The following TAFA5 variants were observed in gnomAD, a reference collection of about 807,000 sequenced individuals.
TAFA5 encodes the protein TAFA chemokine like family member 5.
In TAFA5, 6 loss-of-function variants were observed where a neutral mutation model predicts 15.3. That is an observed-to-expected ratio of 0.39 (90% confidence interval 0.21 to 0.77). The LOEUF (loss-of-function observed/expected upper bound fraction) is 0.77, where lower values mean the gene tolerates loss of function less well. Ranked by LOEUF, TAFA5 falls within the 30% of genes least tolerant of loss-of-function variation. The probability of loss-of-function intolerance (pLI) is 0.41; values close to 1 mark genes in which losing one functional copy is unlikely to be tolerated. For missense variants in TAFA5, 161 were observed against 193.1 expected (o/e 0.83, Z 0.98); for synonymous variants, 103 against 80.7 (o/e 1.28, Z -1.48).
At position 48,707,586 on chromosome 22, in the gene TAFA5, T is replaced by C. The variant is rs1467028035; in HGVS notation, c.263-131T>C. 9.2e-6 allele frequency: 10 copies of C among 1,081,128 alleles called. No individual in the cohort carries two copies. In the Admixed American group the frequency reaches 1.4e-4, roughly 15 times the overall value. The allele number at this position is 1,081,128 out of a possible 1,614,324, so 67.0% of individuals were successfully genotyped here. A position where few individuals can be genotyped will look rare whatever the true frequency, so the allele number is the denominator to read the frequency against. Reference sequence around the variant, plus strand: ...TGGGCCCAGTGTCCCTGTGTGAGGGTCCCTGGGTGGAGCCACGCCGGGCAT... The same window carrying C: ...TGGGCCCAGTGTCCCTGTGTGAGGGCCCCTGGGTGGAGCCACGCCGGGCAT... On this transcript the variant is annotated intron_variant, in intron 2 of 3. Transcript: ENST00000402357.
At chr22:48,548,848 C>A (rs1286342485) in intron 1 of TAFA5, among the ~76,000 whole-genome samples, 2 of 152,270 alleles carry the variant, frequency 1.3e-5, no homozygotes, top group Non-Finnish European at 2.9e-5. Context: ...TACTACCTGG[C>A]ATACAGCAGG....
At chr22:48,582,800 ACACATGAAATACAC>A in intron 1 of TAFA5, among the ~76,000 whole-genome samples, 1 of 140,616 alleles carries the variant, frequency 7.1e-6, no homozygotes, top group Middle Eastern at 3.6e-3. Flanking sequence ...AAAATACACC[ACACATGAAATACAC>A]CACACACCAC....
At chr22:48,726,607 G>A (rs977365751) in intron 3 of TAFA5, among the ~76,000 whole-genome samples, 22 of 135,986 alleles carry the variant, frequency 1.6e-4, no homozygotes, top group Non-Finnish European at 2.1e-4. Flanking sequence ...TAATCCAGTC[G>A]TGGTAGTCTG....
intron 1 of TAFA5, among the ~76,000 whole-genome samples, chr22:48,610,868 G>A (rs1020685923): frequency 6.6e-6 from 1 of 152,046 alleles, no homozygotes; most frequent in African/African-American, 2.4e-5. Flanking sequence ...GACACGAGAG[G>A]CATCGGGGAT....
intron 2 of TAFA5, among the ~76,000 whole-genome samples, chr22:48,700,002 T>C (rs1928853533): frequency 6.6e-6 from 1 of 152,078 alleles, no homozygotes; most frequent in Non-Finnish European, 1.5e-5. Flanking sequence ...CTTTGCTGGA[T>C]GTGATGTCTG....
intron 1 of TAFA5, among the ~76,000 whole-genome samples, chr22:48,546,358 C>T (rs899071587): frequency 2.0e-5 from 3 of 152,202 alleles, no homozygotes; most frequent in African/African-American, 7.2e-5. Context: ...CTGCAAAGTC[C>T]TTGATTAATT....
At chr22:48,614,315 G>A (rs1368339875) in intron 1 of TAFA5, among the ~76,000 whole-genome samples, 1 of 152,222 alleles carries the variant, frequency 6.6e-6, no homozygotes, top group Non-Finnish European at 1.5e-5. Flanking sequence ...TGCCGTGTGT[G>A]GGTTCCACAG....
At chr22:48,586,764 A>G (rs908378334) in intron 1 of TAFA5, among the ~76,000 whole-genome samples, 1 of 152,214 alleles carries the variant, frequency 6.6e-6, no homozygotes, top group African/African-American at 2.4e-5. Context: ...TTCCATGCAC[A>G]GTTGGGCGAC....
intron 1 of TAFA5, among the ~76,000 whole-genome samples, chr22:48,532,110 C>T (rs1427410985): frequency 6.6e-6 from 1 of 152,236 alleles, no homozygotes; most frequent in East Asian, 1.9e-4. Flanking sequence ...CGAGGAACCC[C>T]TTGGTGCTTT....
chr22:48,700,953 C>T (rs541920051), intron 2 of TAFA5, among the ~76,000 whole-genome samples: 47 of 152,314 alleles, frequency 3.1e-4, no homozygotes, highest in African/African-American at 1.1e-3. Flanking sequence ...GGCTGAGAAC[C>T]CCACTCAGCT....
intron 2 of TAFA5, among the ~76,000 whole-genome samples, chr22:48,704,926 C>T (rs1201481091): frequency 6.6e-6 from 1 of 152,044 alleles, no homozygotes; most frequent in African/African-American, 2.4e-5. Flanking sequence ...TTCTAGGCAG[C>T]ATCTGCTTGC....
chr22:48,513,446 G>A (rs758524414), intron 1 of TAFA5, among the ~76,000 whole-genome samples: 6 of 152,142 alleles, frequency 3.9e-5, no homozygotes, highest in Non-Finnish European at 7.3e-5. Context: ...CTTCTGTCAT[G>A]GGCGGCTCTA....
At chr22:48,670,353 A>T (rs1220699838) in intron 2 of TAFA5, among the ~76,000 whole-genome samples, 1 of 152,240 alleles carries the variant, frequency 6.6e-6, no homozygotes, top group African/African-American at 2.4e-5. Context: ...GTTCTTTTTA[A>T]TGAAGGCTCT....
At chr22:48,715,138 C>T (rs571177962) in intron 3 of TAFA5, among the ~76,000 whole-genome samples, 2 of 152,298 alleles carry the variant, frequency 1.3e-5, no homozygotes, top group African/African-American at 4.8e-5. Context: ...ACTTTGGGGG[C>T]CCCCCATTCC....
chr22:48,584,537 A>G (rs996916163), intron 1 of TAFA5, among the ~76,000 whole-genome samples: 1 of 149,700 alleles, frequency 6.7e-6, no homozygotes, highest in Middle Eastern at 3.3e-3. Flanking sequence ...CACACAAAAT[A>G]CACACACATC....
chr22:48,529,280 ACAGGAGATGGGGGTGTCCAGG>A (rs765572501), intron 1 of TAFA5, among the ~76,000 whole-genome samples: 577 of 31,470 alleles, frequency 0.018, 74 homozygotes, highest in Middle Eastern at 0.036. Flanking sequence ...AGGGTGTCAG[ACAGGAGATGGGGGTGTCCAGG>A]CAGGAGATGG....
At chr22:48,712,639 C>T (rs529886928) in intron 3 of TAFA5, among the ~76,000 whole-genome samples, 1 of 152,306 alleles carries the variant, frequency 6.6e-6, no homozygotes, top group African/African-American at 2.4e-5. Flanking sequence ...GGTGCTGCCT[C>T]TCTGCTGGCT....
chr22:48,533,659 AG>A (rs1922048479), intron 1 of TAFA5, among the ~76,000 whole-genome samples: 1 of 152,272 alleles, frequency 6.6e-6, no homozygotes, highest in East Asian at 1.9e-4. Context: ...AGGACACCCT[AG>A]GGCCCCTTTC....
At chr22:48,704,682 G>A (rs1156601664) in intron 2 of TAFA5, among the ~76,000 whole-genome samples, 2 of 151,972 alleles carry the variant, frequency 1.3e-5, no homozygotes, top group Non-Finnish European at 2.9e-5. Flanking sequence ...TTTTCTCGGA[G>A]GGAGACACTG....
Sources: gnomAD v4.1 joint callset for allele counts (sites outside exome capture counted in the v4.1 genomes callset) on GRCh38, gnomAD v4.1.1 for gene constraint, MANE v1.5 for transcripts, NCBI Gene and HGNC (gene_info 2026-07-23, HGNC 2026-07-21) for gene names.